The following FANCC variants were observed in gnomAD, a reference collection of about 807,000 sequenced individuals.
FANCC encodes the protein Fanconi anemia group C protein.
A neutral mutation model predicts 71.3 loss-of-function variants in FANCC; 55 were observed. The observed-to-expected ratio is 0.77, with a 90% CI of 0.62 to 0.97. FANCC has a LOEUF of 0.97. Among genes scored for constraint, FANCC ranks in the 50% least tolerant of loss-of-function variants. The pLI is 0.00. For synonymous variants in FANCC, 275 were observed against 244.9 expected, an observed-to-expected ratio of 1.12 and a Z score of -1.15; for missense variants, 678 against 670.9, an observed-to-expected ratio of 1.01 and a Z score of -0.12.
At chr9:95,244,515 T>C (rs1830824585) in intron 3 of FANCC, among the ~76,000 whole-genome samples, 1 of 151,386 alleles carries the variant, frequency 6.6e-6, no homozygotes, top group South Asian at 2.1e-4. Context: ...CCATCTCTAG[T>C]AAGAATACAA....
chr9:95,200,589 G>GC (rs1827746066), intron 4 of FANCC, among the ~76,000 whole-genome samples: 1 of 152,108 alleles, frequency 6.6e-6, no homozygotes. Flanking sequence ...GGAATTTCAG[G>GC]CAAATGCCTT....
chr9:95,211,788 T>TA (rs1001195749), intron 4 of FANCC, among the ~76,000 whole-genome samples: 19 of 148,908 alleles, frequency 1.3e-4, no homozygotes, highest in African/African-American at 4.7e-4. Context: ...ATGGAAGTAG[T>TA]AAAGACCTTA....
At chr9:95,229,109 C>A (rs1829821579) in intron 4 of FANCC, among the ~76,000 whole-genome samples, 2 of 152,028 alleles carry the variant, frequency 1.3e-5, no homozygotes, top group Admixed American at 6.5e-5. Context: ...ACCAGCCTGG[C>A]CAACATGGCA....
At chr9:95,230,181 C>T (rs981469315) in intron 4 of FANCC, among the ~76,000 whole-genome samples, 28 of 152,138 alleles carry the variant, frequency 1.8e-4, no homozygotes, top group African/African-American at 6.5e-4. Context: ...CCTGTGCCGT[C>T]CCCAGCAGTT....
At chr9:95,250,885 C>T (rs1458860704) in intron 1 of FANCC, among the ~76,000 whole-genome samples, 1 of 152,208 alleles carries the variant, frequency 6.6e-6, no homozygotes, top group Non-Finnish European at 1.5e-5. Flanking sequence ...CCAGCACATT[C>T]CCCTGGGTAA....
intron 6 of FANCC, among the ~76,000 whole-genome samples, chr9:95,163,879 CA>C (rs1403339170): frequency 6.6e-6 from 1 of 151,964 alleles, no homozygotes; most frequent in Non-Finnish European, 1.5e-5. Context: ...AAACAAACCC[CA>C]AAAAAACCAT....
At chr9:95,219,810 G>A (rs1185488670) in intron 4 of FANCC, among the ~76,000 whole-genome samples, 1 of 152,156 alleles carries the variant, frequency 6.6e-6, no homozygotes, top group Non-Finnish European at 1.5e-5. Flanking sequence ...CATGGACAAG[G>A]ACTTCATGAC....
At chr9:95,174,876 A>C (rs1019854309) in intron 4 of FANCC, among the ~76,000 whole-genome samples, 2 of 152,142 alleles carry the variant, frequency 1.3e-5, no homozygotes, top group African/African-American at 2.4e-5. Flanking sequence ...TGACACTCTG[A>C]GTGGTTACCA....
At chr9:95,121,771 A>G (rs2072897540) in intron 10 of FANCC, among the ~76,000 whole-genome samples, 1 of 152,208 alleles carries the variant, frequency 6.6e-6, no homozygotes, top group African/African-American at 2.4e-5. Flanking sequence ...AAAACAACCA[A>G]AACTAAACAA....
At chr9:95,153,240 C>A (rs557620812) in intron 6 of FANCC, among the ~76,000 whole-genome samples, 1 of 152,256 alleles carries the variant, frequency 6.6e-6, no homozygotes, top group African/African-American at 2.4e-5. Flanking sequence ...TCTTTATCCA[C>A]TGATTGGTGG....
intron 7 of FANCC, chr9:95,145,208 T>C (rs1033073648): frequency 6.6e-6 from 1 of 152,236 alleles, no homozygotes; most frequent in Non-Finnish European, 1.5e-5. Context: ...TGAGCCTGTT[T>C]TGTTTTCCAA....
intron 3 of FANCC, among the ~76,000 whole-genome samples, chr9:95,244,024 G>A (rs1352060790): frequency 6.6e-6 from 1 of 152,220 alleles, no homozygotes; most frequent in Non-Finnish European, 1.5e-5. Context: ...AAGGGATGGA[G>A]AATTTGTTTC....
intron 6 of FANCC, among the ~76,000 whole-genome samples, chr9:95,160,257 T>A (rs990576057): frequency 2.0e-5 from 3 of 152,224 alleles, no homozygotes; most frequent in African/African-American, 7.2e-5. Context: ...GCTAGCCAGT[T>A]TTCCCAGCAC....
At chr9:95,243,293 T>G (rs1279724796) in intron 3 of FANCC, among the ~76,000 whole-genome samples, 1 of 152,230 alleles carries the variant, frequency 6.6e-6, no homozygotes, top group South Asian at 2.1e-4. Context: ...AGTATTTTTA[T>G]GCTGAGGACA....
intron 7 of FANCC, among the ~76,000 whole-genome samples, chr9:95,149,597 G>GC (rs1245682090): frequency 6.6e-6 from 1 of 151,798 alleles, no homozygotes; most frequent in Non-Finnish European, 1.5e-5. Context: ...TCCTGACTCA[G>GC]CCCCCCTAGT....
At position 95,284,873 on chromosome 9, in the gene FANCC, CACAT is replaced by C. The variant is rs1174833725; in HGVS notation, c.-79+32649_-79+32652del. Reference sequence around the variant, plus strand: ...GACTCCTCTCTCTCACACACACACACACATACACACACACACACACACACACACA... The same window carrying C: ...GACTCCTCTCTCTCACACACACACACACACACACACACACACACACACACA... On this transcript the variant is annotated intron_variant, in intron 1 of 14. Coordinates refer to ENST00000289081, the MANE Select transcript of FANCC (RefSeq NM_000136.3). Among the ~76,000 whole-genome samples the C allele has an allele frequency of 8.2e-4, 86 of 104,872 alleles. 1 individual carries two copies. In the East Asian group the frequency reaches 0.018, roughly 22 times the overall value. The allele number at this position is 104,872 out of a possible 152,430, so 68.8% of individuals were successfully genotyped here.
chr9:95,194,359 T>C (rs1827286611), intron 4 of FANCC, among the ~76,000 whole-genome samples: 1 of 152,188 alleles, frequency 6.6e-6, no homozygotes, highest in South Asian at 2.1e-4. Context: ...CTGGCTTCCA[T>C]TACTTCTGTA....
At chr9:95,254,064 C>T (rs758681529) in intron 1 of FANCC, among the ~76,000 whole-genome samples, 40 of 152,126 alleles carry the variant, frequency 2.6e-4, no homozygotes, top group African/African-American at 7.5e-4. Context: ...GTCTGTGGCC[C>T]GGGGCTTGGG....
intron 4 of FANCC, among the ~76,000 whole-genome samples, chr9:95,228,006 G>C (rs1829734485): frequency 6.6e-6 from 1 of 152,084 alleles, no homozygotes; most frequent in African/African-American, 2.4e-5. Context: ...CTCCAACAAA[G>C]TGTCTCTCCC....
Sources: gnomAD v4.1 joint callset for allele counts (sites outside exome capture counted in the v4.1 genomes callset) on GRCh38, gnomAD v4.1.1 for gene constraint, MANE v1.5 for transcripts, NCBI Gene and HGNC (gene_info 2026-07-23, HGNC 2026-07-21) for gene names.